ATAD2B: variants seen among roughly 807,000 people sequenced by gnomAD.
The protein encoded by ATAD2B is ATPase family AAA domain-containing protein 2B.
Under a neutral mutation model 167.6 loss-of-function variants are expected in ATAD2B, and 40 were observed. The ratio of observed to expected loss-of-function variants is 0.24; its 90% CI spans 0.19 to 0.31. The LOEUF (loss-of-function observed/expected upper bound fraction) is 0.31, where lower values mean the gene tolerates loss of function less well. ATAD2B is among the 10% of genes least tolerant of loss of function. The pLI is 1.00. For missense variants in ATAD2B, 1,242 were observed against 1,757.2 expected (o/e 0.71, Z 5.24); for synonymous variants, 579 against 596.5 (o/e 0.97, Z 0.43).
intron 2 of ATAD2B, 72 bp downstream of exon 2, chr2:23,895,747 T>G: frequency 9.0e-7 from 1 of 1,114,842 alleles, no homozygotes; most frequent in Non-Finnish European, 1.2e-6. Context: ...CTAAGAAAAT[T>G]AGCATTAATA....
rs1680284460 is a variant in ATAD2B, at chr2:23,783,044, T to C, written c.2974-16A>G. On this transcript the variant is annotated splice_polypyrimidine_tract_variant and intron_variant, in intron 21 of 27. Transcript: ENST00000238789. ...AATCTGAAACCTAAAACAGATATTTTAATAAAAATTACTTCCAGTTTTTCA... is the reference window on the plus strand; with the variant it reads ...AATCTGAAACCTAAAACAGATATTTCAATAAAAATTACTTCCAGTTTTTCA... 1.5e-6 allele frequency: 2 copies of C among 1,348,718 alleles called. No homozygotes were observed. The highest frequency in any genetic ancestry group is 3.2e-5 in the South Asian group (2 of 62,644). The allele number at this position is 1,348,718 out of a possible 1,614,324, so 83.5% of individuals were successfully genotyped here. A position where few individuals can be genotyped will look rare whatever the true frequency, so the allele number is the denominator to read the frequency against.
intron 1 of ATAD2B, among the ~76,000 whole-genome samples, chr2:23,919,312 C>A (rs941441135): frequency 1.3e-5 from 2 of 151,984 alleles, no homozygotes; most frequent in African/African-American, 4.8e-5. Context: ...TTTGGGAGGC[C>A]GGGGTGGGTG....
the ATAD2B span, chr2:23,697,194 G>A: frequency 1.3e-5 from 2 of 152,396 alleles, no homozygotes; most frequent in Non-Finnish European, 2.9e-5. Flanking sequence ...GGCCATTGTG[G>A]AGGGTCAGAT....
the ATAD2B span, among the ~76,000 whole-genome samples, chr2:23,687,905 C>T: frequency 0.095 from 14,450 of 151,668 alleles, 796 homozygotes; most frequent in Middle Eastern, 0.17. Context: ...GTAAAGATGA[C>T]AGTCAGACCA....
chr2:23,745,424 A>AAG, downstream of ATAD2B, among the ~76,000 whole-genome samples: 1 of 32,926 alleles, frequency 3.0e-5, no homozygotes, highest in African/African-American at 1.4e-4. Flanking sequence ...AAGGAAGGAA[A>AAG]GGGAAGGGAA....
intron 6 of ATAD2B, 123 bp from the exon 7 acceptor site, chr2:23,880,878 T>C: frequency 1.6e-6 from 1 of 639,008 alleles, no homozygotes; most frequent in Admixed American, 3.2e-5. Context: ...GACATTTAAG[T>C]GCCAACATAT....
chr2:23,886,603 CTT>C (rs1573256762), intron 4 of ATAD2B, among the ~76,000 whole-genome samples: 1 of 152,094 alleles, frequency 6.6e-6, no homozygotes, highest in South Asian at 2.1e-4. Flanking sequence ...TGGAAAGACT[CTT>C]TTAGAAATTC....
chr2:23,819,886 T>C lies in ATAD2B; in HGVS notation c.2132-4A>G. 6.4e-7 allele frequency: 1 copy of C among 1,567,028 alleles called. No homozygotes were observed. Among genetic ancestry groups the C allele is most frequent in the Non-Finnish European group, 8.7e-7 (1 of 1,145,196 alleles). ...TCTAAAATTAAAGTTTCTATATCTGTTTAAAAAAATCACAATGGTTATGGG... is the reference window on the plus strand; with the variant it reads ...TCTAAAATTAAAGTTTCTATATCTGCTTAAAAAAATCACAATGGTTATGGG... On this transcript the variant is annotated splice_region_variant and splice_polypyrimidine_tract_variant and intron_variant, in intron 16 of 27. Transcript: ENST00000238789.
At chr2:23,826,062 T>C (rs576936119) in intron 15 of ATAD2B, among the ~76,000 whole-genome samples, 45 of 152,294 alleles carry the variant, frequency 3.0e-4, no homozygotes, top group African/African-American at 1.0e-3. Flanking sequence ...GGTTCTCACC[T>C]TGATTATCCA....
intron 13 of ATAD2B, among the ~76,000 whole-genome samples, chr2:23,834,772 G>A (rs1210198731): frequency 6.6e-6 from 1 of 151,988 alleles, no homozygotes; most frequent in African/African-American, 2.4e-5. Flanking sequence ...AGGCAAAAGG[G>A]CCAGGCGCGG....
In ATAD2B at chr2:23,863,348, G is replaced by C. The variant is rs1250840463; in HGVS notation, c.1479+33C>G. 8 of 1,541,560 alleles carry C rather than the reference G, an allele frequency of 5.2e-6. No individual in the cohort carries two copies. The African/African-American group carries it at 8.3e-5, about 16-fold the overall frequency. On this transcript the variant is annotated intron_variant, in intron 12 of 27. Coordinates refer to ENST00000238789, the MANE Select transcript of ATAD2B (RefSeq NM_017552.4). ...AGAAAGAAAAGAACAGAACAGAACA[G>C]AAAAGACTCTTGAATTAGATGATTT...
At chr2:23,721,865 A>G in the ATAD2B span, among the ~76,000 whole-genome samples, 1 of 152,244 alleles carries the variant, frequency 6.6e-6, no homozygotes, top group African/African-American at 2.4e-5. Flanking sequence ...CTGTCCCACC[A>G]TGTGCACACA....
chr2:23,817,740 T>C (rs919692028), intron 17 of ATAD2B, among the ~76,000 whole-genome samples: 5 of 152,202 alleles, frequency 3.3e-5, no homozygotes, highest in African/African-American at 1.2e-4. Flanking sequence ...TAAAAAATGC[T>C]TATTCTAGCA....
intron 21 of ATAD2B, 87 bp downstream of exon 21, chr2:23,785,940 G>A: frequency 8.2e-7 from 1 of 1,219,872 alleles, no homozygotes; most frequent in Non-Finnish European, 1.1e-6. Context: ...CCATGCCTTT[G>A]CTTTTTTTTC....
chr2:23,864,874 C>T lies in ATAD2B; in HGVS notation c.1239G>A (p.Lys413=). 1.3e-6 allele frequency: 2 copies of T among 1,598,208 alleles called. No homozygotes were observed. Among genetic ancestry groups the T allele is most frequent in the Non-Finnish European group, 8.5e-7 (1 of 1,172,800 alleles). The part of the protein sequence containing the change: ...GGLSHHIHAL[K]EMVVFPLLYP... ...ATAAAAGTGGGAATACTACCATTTC[C>T]TTTAGCGCATGAATATGATGGCTCA... Residue 413 remains lysine, a synonymous_variant, in exon 11 of 28, where the codon AAG becomes AAA. Coordinates refer to ENST00000238789, the MANE Select transcript of ATAD2B (RefSeq NM_017552.4).
chr2:23,854,571 G>A (rs1014388024), intron 13 of ATAD2B, among the ~76,000 whole-genome samples: 7 of 151,806 alleles, frequency 4.6e-5, no homozygotes, highest in Admixed American at 1.3e-4. Flanking sequence ...CCAGCTACTC[G>A]GGGGGCCAAG....
At chr2:23,843,587 C>T (rs934028759) in intron 13 of ATAD2B, among the ~76,000 whole-genome samples, 1 of 152,124 alleles carries the variant, frequency 6.6e-6, no homozygotes, top group Non-Finnish European at 1.5e-5. Flanking sequence ...CCAGGGAGAC[C>T]AAGACGACTA....
Position 23,754,257 on chromosome 2 carries a change from C to T in ATAD2B, c.4257G>A (p.Gln1419=), listed in dbSNP as rs1411308006. The T allele has an allele frequency of 6.4e-7, 1 of 1,566,340 alleles. No individual in the cohort carries two copies. Among genetic ancestry groups the T allele is most frequent in the Non-Finnish European group, 8.7e-7 (1 of 1,154,728 alleles). The part of the protein sequence containing the change: ...VDKSNNLAVD[Q]LERLYSLLSQ... ...TAAGAAGAGAATATAATCTCTCAAG[C>T]TGATCAACTGCCAGATTGTTGCTTT... The change falls in exon 27 of 28, where the codon CAG becomes CAA. Residue 1419 remains glutamine, a synonymous_variant. Coordinates refer to ENST00000238789, the MANE Select transcript of ATAD2B (RefSeq NM_017552.4).
At chr2:23,712,183 G>A in the ATAD2B span, among the ~76,000 whole-genome samples, 64 of 152,236 alleles carry the variant, frequency 4.2e-4, no homozygotes, top group East Asian at 7.3e-3. Flanking sequence ...CCAGGAGCTC[G>A]CACTACACAG....
Sources: gnomAD v4.1 joint callset for allele counts (sites outside exome capture counted in the v4.1 genomes callset) on GRCh38, gnomAD v4.1.1 for gene constraint, MANE v1.5 for transcripts, NCBI Gene and HGNC (gene_info 2026-07-23, HGNC 2026-07-21) for gene names.